KRCC1: variants seen among roughly 807,000 people sequenced by gnomAD.
The protein encoded by KRCC1 is lysine-rich coiled-coil protein 1.
KRCC1 carries 3 observed loss-of-function variants against 7.4 expected under a neutral mutation model. That is an observed-to-expected ratio of 0.40 (90% CI 0.18 to 1.04). The LOEUF (loss-of-function observed/expected upper bound fraction) is 1.04, where lower values mean the gene tolerates loss of function less well. Among genes scored for constraint, KRCC1 ranks in the 50% least tolerant of loss-of-function variants. The pLI, the probability that KRCC1 is intolerant of heterozygous loss-of-function variation, is 0.33. For synonymous variants in KRCC1, 102 were observed against 101.6 expected (o/e 1.00, Z -0.02); for missense variants, 277 against 300.9 (o/e 0.92, Z 0.59).
At chr2:88,051,377 G>C (rs1024691889) in intron 1 of KRCC1, among the ~76,000 whole-genome samples, 5 of 149,972 alleles carry the variant, frequency 3.3e-5, no homozygotes, top group Non-Finnish European at 6.0e-5. Flanking sequence ...AGTCAGAGTA[G>C]AATTTTAATA....
chr2:88,030,697 T>C (rs1482188240), intron 3 of KRCC1, among the ~76,000 whole-genome samples: 1 of 152,216 alleles, frequency 6.6e-6, no homozygotes, highest in African/African-American at 2.4e-5. Flanking sequence ...TTGATAGGAA[T>C]GTAAAATGGT....
At chr2:88,045,034 C>CTT (rs879808566) in intron 1 of KRCC1, among the ~76,000 whole-genome samples, 1 of 144,508 alleles carries the variant, frequency 6.9e-6, no homozygotes, top group African/African-American at 2.5e-5. Context: ...ATTTTTTGTA[C>CTT]TTTTTTTTTT....
At chr2:88,045,280 T>C (rs1673304958) in intron 1 of KRCC1, among the ~76,000 whole-genome samples, 1 of 152,202 alleles carries the variant, frequency 6.6e-6, no homozygotes, top group Non-Finnish European at 1.5e-5. Flanking sequence ...TGTCTATGAA[T>C]GTTCACAGCA....
chr2:88,028,549 C>A lies in KRCC1; in HGVS notation c.15G>T (p.Lys5Asn), dbSNP rs749810220. 4 of 1,604,756 alleles carry A rather than the reference C, an allele frequency of 2.5e-6. No individual in the cohort carries two copies. Among genetic ancestry groups the A allele is most frequent in the Non-Finnish European group, 3.4e-6 (4 of 1,176,262 alleles). ...CATCTTGAAAAGAGTCATATGTCTT[C>A]TTTGAATGCTTCATTAGGTTGACAA... MKHS[K>N]KTYDSFQDEL... The change falls in exon 4 of 4, where the codon AAG becomes AAT. Residue 5 changes from lysine (K) to asparagine (N), a missense_variant. By Grantham distance (94) the Lys-to-Asn change is moderately conservative. Coordinates refer to ENST00000347055, the MANE Select transcript of KRCC1 (RefSeq NM_016618.3).
At chr2:88,041,665 T>C (rs561273486) in intron 1 of KRCC1, among the ~76,000 whole-genome samples, 1 of 152,352 alleles carries the variant, frequency 6.6e-6, no homozygotes, top group African/African-American at 2.4e-5. Context: ...TAGTGAACTC[T>C]AGGCATTTGT....
At chr2:88,028,643 T>TA in intron 3 of KRCC1, 58 bp from the exon 4 acceptor site, 375 of 751,112 alleles carry the variant, frequency 5.0e-4, no homozygotes, top group Non-Finnish European at 6.6e-4. Context: ...TTTCCTTTGC[T>TA]CTTTTTTTTT....
intron 1 of KRCC1, among the ~76,000 whole-genome samples, chr2:88,039,548 C>T (rs1673161928): frequency 6.6e-6 from 1 of 151,756 alleles, no homozygotes; most frequent in Non-Finnish European, 1.5e-5. Context: ...ATTAGCCGGG[C>T]ATGTTGGCAC....
chr2:88,034,106 A>T (rs770113465), intron 3 of KRCC1, 28 bp downstream of exon 3: 6 of 152,668 alleles, frequency 3.9e-5, no homozygotes, highest in South Asian at 2.1e-4. Context: ...ACAGAGATGA[A>T]TAAAGAGGTG....
chr2:88,051,677 G>T (rs117327037), intron 1 of KRCC1, among the ~76,000 whole-genome samples: 1 of 152,290 alleles, frequency 6.6e-6, no homozygotes, highest in East Asian at 1.9e-4. Context: ...AAATTCTAGT[G>T]AATAGTCTCA....
chr2:88,050,871 A>AT (rs1428205400), intron 1 of KRCC1, among the ~76,000 whole-genome samples: 1 of 149,392 alleles, frequency 6.7e-6, no homozygotes, highest in Non-Finnish European at 1.5e-5. Context: ...TTTGTGATTA[A>AT]TTTTTTCCAT....
chr2:88,027,662 G>C lies in KRCC1; in HGVS notation c.*122C>G. 1.3e-6 allele frequency: 1 copy of C among 775,878 alleles called. No individual in the cohort carries two copies. Among genetic ancestry groups the C allele is most frequent in the South Asian group, 2.1e-5 (1 of 46,630 alleles). The allele number at this position is 775,878 out of a possible 1,614,324, so 48.1% of individuals were successfully genotyped here. A position where few individuals can be genotyped will look rare whatever the true frequency, so the allele number is the denominator to read the frequency against. ...AGCATGCTAAACACTTTGTTTACTA[G>C]GCCTTTGTTAGAAGTTAAAGAACCT... On this transcript the variant is annotated 3_prime_UTR_variant, in exon 4 of 4. Coordinates refer to ENST00000347055, the MANE Select transcript of KRCC1 (RefSeq NM_016618.3).
At chr2:88,034,642 AAAT>A (rs1393023637) in intron 2 of KRCC1, among the ~76,000 whole-genome samples, 1 of 152,228 alleles carries the variant, frequency 6.6e-6, no homozygotes, top group African/African-American at 2.4e-5. Context: ...TGAACACTTA[AAAT>A]AATCTTTTAC....
intron 1 of KRCC1, among the ~76,000 whole-genome samples, chr2:88,052,899 ATATTT>A (rs760007981): frequency 1.4e-4 from 21 of 152,230 alleles, no homozygotes; most frequent in Admixed American, 7.9e-4. Context: ...GTAAACAAAC[ATATTT>A]TAAAGAAGTA....
chr2:88,037,306 C>T (rs1207867669), intron 1 of KRCC1, among the ~76,000 whole-genome samples: 1 of 152,052 alleles, frequency 6.6e-6, no homozygotes, highest in Non-Finnish European at 1.5e-5. Context: ...TACTGGGGCA[C>T]CAATATTGAA....
At chr2:88,036,324 A>G (rs888838671) in intron 2 of KRCC1, among the ~76,000 whole-genome samples, 1 of 152,198 alleles carries the variant, frequency 6.6e-6, no homozygotes, top group Non-Finnish European at 1.5e-5. Flanking sequence ...CAAAGATGAT[A>G]CAAGTGAGGA....
chr2:88,055,209 G>C (rs1021920846), intron 1 of KRCC1, among the ~76,000 whole-genome samples: 1 of 151,226 alleles, frequency 6.6e-6, no homozygotes, highest in Non-Finnish European at 1.5e-5. Context: ...CTACTTTCCA[G>C]GATGCTGAAC....
intron 3 of KRCC1, 118 bp from the exon 4 acceptor site, chr2:88,028,703 G>A: frequency 1.5e-6 from 1 of 652,788 alleles, no homozygotes; most frequent in Non-Finnish European, 2.5e-6. Flanking sequence ...AGACTAGAGT[G>A]CAGTGGGGTT....
intron 1 of KRCC1, among the ~76,000 whole-genome samples, chr2:88,043,116 C>T (rs1245444852): frequency 6.6e-6 from 1 of 152,104 alleles, no homozygotes; most frequent in Non-Finnish European, 1.5e-5. Context: ...ACAGGAAATG[C>T]CCTTCTAAAA....
At chr2:88,055,145 T>C (rs902046815) in intron 1 of KRCC1, among the ~76,000 whole-genome samples, 3 of 146,790 alleles carry the variant, frequency 2.0e-5, no homozygotes, top group African/African-American at 5.1e-5. Context: ...CGCTACTTCC[T>C]GCTTTCCCCG....
Sources: gnomAD v4.1 joint callset for allele counts (sites outside exome capture counted in the v4.1 genomes callset) on GRCh38, gnomAD v4.1.1 for gene constraint, MANE v1.5 for transcripts, NCBI Gene and HGNC (gene_info 2026-07-23, HGNC 2026-07-21) for gene names.